The following AHCTF1 variants were observed in gnomAD, a reference collection of about 807,000 sequenced individuals.
AHCTF1 encodes AT-hook containing transcription factor 1.
A neutral mutation model predicts 248.4 loss-of-function variants in AHCTF1; 24 were observed. The observed-to-expected ratio is 0.10, with a 90% confidence interval of 0.07 to 0.14. The LOEUF (loss-of-function observed/expected upper bound fraction) is 0.14. AHCTF1 is among the 10% of genes least tolerant of loss of function. AHCTF1 has a pLI of 1.00. For synonymous variants in AHCTF1, 786 were observed against 929.8 expected (o/e 0.85, Z 2.81); for missense variants, 2,206 against 2,636.2 (o/e 0.84, Z 3.57).
At chr1:246,887,711 T>C (rs1663925261) in intron 19 of AHCTF1, among the ~76,000 whole-genome samples, 1 of 152,238 alleles carries the variant, frequency 6.6e-6, no homozygotes, top group East Asian at 1.9e-4. Context: ...ATCTAGCTTA[T>C]AAATTATAAA....
intron 5 of AHCTF1, among the ~76,000 whole-genome samples, chr1:246,906,848 G>A (rs1190096864): frequency 6.6e-6 from 1 of 152,070 alleles, no homozygotes; most frequent in African/African-American, 2.4e-5. Context: ...TTGTAACTTT[G>A]ATTTTTAAAA....
intron 1 of AHCTF1, among the ~76,000 whole-genome samples, chr1:246,925,037 C>CA: frequency 6.6e-6 from 1 of 152,114 alleles, no homozygotes; most frequent in Non-Finnish European, 1.5e-5. Flanking sequence ...AGGCCAGAAT[C>CA]ACATTGTTAC....
chr1:246,858,567 TA>T (rs1209791700), intron 29 of AHCTF1, among the ~76,000 whole-genome samples: 1 of 151,994 alleles, frequency 6.6e-6, no homozygotes, highest in Non-Finnish European at 1.5e-5. Context: ...CGGAGGCTCA[TA>T]CCTGTAATCC....
chr1:246,851,980 C>G (rs559426181), intron 32 of AHCTF1: 1 of 153,300 alleles, frequency 6.5e-6, no homozygotes, highest in African/African-American at 2.4e-5. Flanking sequence ...CTAAGGCTTT[C>G]AAGTTCAGTA....
At position 246,867,688 on chromosome 1, in the gene AHCTF1, G is replaced by T; in HGVS notation, c.3212C>A (p.Pro1071His). 1.2e-6 allele frequency: 2 copies of T among 1,612,274 alleles called. No homozygotes were observed. The highest frequency in any genetic ancestry group is 2.2e-5 in the South Asian group (2 of 90,918). ...KIGEVWASKE[P>H]INSTTPFNSS... ...ATTGAAAGGTGTGGTGCTATTTATA[G>T]GTTCTTTGCTTGCCCAAACTTCTCC... Residue 1071 changes from proline to histidine, a missense_variant, in exon 25 of 36, where the codon CCT (proline) becomes CAT (histidine). By Grantham distance (77) the Pro-to-His change is moderately conservative. Coordinates refer to ENST00000648844, the MANE Select transcript of AHCTF1 (RefSeq NM_001323342.2).
Position 246,840,560 on chromosome 1 carries a change from T to C in AHCTF1, c.*246A>G, listed in dbSNP as rs1236906819. 1 of 224,720 alleles carries C rather than the reference T, an allele frequency of 4.4e-6. No individual in the cohort carries two copies. The highest frequency in any genetic ancestry group is 8.5e-6 in the Non-Finnish European group (1 of 117,032). The allele number at this position is 224,720 out of a possible 1,614,324, so 13.9% of individuals were successfully genotyped here. A position where few individuals can be genotyped will look rare whatever the true frequency, so the allele number is the denominator to read the frequency against. On this transcript the variant is annotated 3_prime_UTR_variant, in exon 36 of 36. Transcript: ENST00000648844. Reference sequence around the variant, plus strand: ...AAACGACTGTGAAGTATACATTTTATTTAACATTCCATTAATAAGCCATAT... The same window carrying C: ...AAACGACTGTGAAGTATACATTTTACTTAACATTCCATTAATAAGCCATAT...
chr1:246,851,011 T>A lies in AHCTF1; in HGVS notation c.4995A>T (p.Lys1665Asn). The change falls in exon 33 of 36, where the codon AAA becomes AAT. Residue 1665 changes from lysine (K) to asparagine (N), a missense_variant. By Grantham distance (94) the Lys-to-Asn change is moderately conservative (BLOSUM62 0). Coordinates refer to ENST00000648844, the MANE Select transcript of AHCTF1 (RefSeq NM_001323342.2). ...DTLPYVPEPI[K>N]VAIAENLLDV... ...CTAGTAAATTTTCTGCAATTGCTAC[T>A]TTAATAGGTTCAGGCACATATGGTA... 6.2e-7 allele frequency: 1 copy of A among 1,614,010 alleles called. No individual in the cohort carries two copies. The highest frequency in any genetic ancestry group is 8.5e-7 in the Non-Finnish European group (1 of 1,179,880).
intron 1 of AHCTF1, among the ~76,000 whole-genome samples, chr1:246,930,102 AG>A (rs1667238880): frequency 6.6e-6 from 1 of 152,176 alleles, no homozygotes; most frequent in Non-Finnish European, 1.5e-5. Context: ...AAGCATAAAA[AG>A]AAAACAAAAG....
rs547022079 is a variant in AHCTF1, at chr1:246,840,870, A to C, written c.6737T>G (p.Leu2246Arg). 2 of 1,613,360 alleles carry C rather than the reference A, an allele frequency of 1.2e-6. No individual in the cohort carries two copies. The highest frequency in any genetic ancestry group is 2.2e-5 in the South Asian group (2 of 90,926). Residue 2246 changes from leucine to arginine, a missense_variant, in exon 36 of 36, where the codon CTT becomes CGT. This residue lies in a region of AHCTF1 where 469 missense variants were observed against 470.0 expected (regional missense o/e 1.00). Coordinates refer to ENST00000648844, the MANE Select transcript of AHCTF1 (RefSeq NM_001323342.2). Reference protein sequence around the residue: ...RKTTEVTGTGLGRNRKKLSSY... With the variant: ...RKTTEVTGTGRGRNRKKLSSY... ...AGACAGTTTCTTTCTGTTCCTTCCA[A>C]GACCTGTTCCTGTCACTTCTGTAGT...
intron 17 of AHCTF1, among the ~76,000 whole-genome samples, 200 bp downstream of exon 17, chr1:246,889,766 A>C (rs1664090187): frequency 6.6e-6 from 1 of 152,162 alleles, no homozygotes; most frequent in Non-Finnish European, 1.5e-5. Context: ...TTTGTCTATT[A>C]CCTTTACTTC....
chr1:246,905,285 G>T (rs1053734320), intron 6 of AHCTF1, among the ~76,000 whole-genome samples: 1 of 152,122 alleles, frequency 6.6e-6, no homozygotes, highest in Non-Finnish European at 1.5e-5. Flanking sequence ...AGATCATGAG[G>T]TCAGGAGTTC....
At chr1:246,922,236 C>T (rs115790254) in intron 1 of AHCTF1, among the ~76,000 whole-genome samples, 14,035 of 152,020 alleles carry the variant, frequency 0.092, 885 homozygotes, top group Middle Eastern at 0.22. Flanking sequence ...AGTATGTGCC[C>T]GTAGTCCCAG....
chr1:246,887,450 A>G lies in AHCTF1; in HGVS notation c.2326-93T>C, dbSNP rs878935324. On this transcript the variant is annotated intron_variant, in intron 19 of 35. Transcript: ENST00000648844. ...AGGTAGCAACAAAATGTAGCATTAA[A>G]AGAGACTTGAAATGCCTGTTTTTAG... The G allele has an allele frequency of 1.5e-5, 19 of 1,284,434 alleles. No individual in the cohort carries two copies. The South Asian group carries it at 2.1e-4, about 14-fold the overall frequency. The allele number at this position is 1,284,434 out of a possible 1,614,324, so 79.6% of individuals were successfully genotyped here. A position where few individuals can be genotyped will look rare whatever the true frequency, so the allele number is the denominator to read the frequency against.
intron 30 of AHCTF1, 74 bp from the exon 31 acceptor site, chr1:246,855,901 C>G (rs562670547): frequency 2.9e-6 from 3 of 1,031,456 alleles, no homozygotes; most frequent in East Asian, 2.5e-5. Flanking sequence ...GTCCTACCAC[C>G]TAACCTGTCA....
chr1:246,904,348 T>C (rs1376454589), intron 6 of AHCTF1, among the ~76,000 whole-genome samples: 2 of 152,230 alleles, frequency 1.3e-5, no homozygotes, highest in East Asian at 1.9e-4. Context: ...CTTAAACACA[T>C]GGTTGCCTAA....
chr1:246,917,165 T>C (rs1666206354), intron 2 of AHCTF1, among the ~76,000 whole-genome samples: 1 of 152,176 alleles, frequency 6.6e-6, no homozygotes, highest in Non-Finnish European at 1.5e-5. Flanking sequence ...CCGCACTGGG[T>C]GGAAGACGAC....
chr1:246,901,731 T>C (rs1665015146), intron 8 of AHCTF1, among the ~76,000 whole-genome samples: 2 of 152,044 alleles, frequency 1.3e-5, no homozygotes, highest in South Asian at 2.1e-4. Flanking sequence ...GATGGGAGAA[T>C]TGGTTGAGCC....
intron 29 of AHCTF1, among the ~76,000 whole-genome samples, chr1:246,859,081 G>C (rs1185386388): frequency 6.6e-6 from 1 of 152,130 alleles, no homozygotes; most frequent in Non-Finnish European, 1.5e-5. Flanking sequence ...AAATAAGTAA[G>C]GCAGTGTAAA....
intron 1 of AHCTF1, among the ~76,000 whole-genome samples, chr1:246,924,986 T>G (rs906611770): frequency 6.6e-6 from 1 of 152,164 alleles, no homozygotes; most frequent in African/African-American, 2.4e-5. Flanking sequence ...ATCTCCTAAG[T>G]AGCTTAGTAC....
Sources: allele counts gnomAD v4.1 joint callset (sites outside exome capture counted in the v4.1 genomes callset), GRCh38; gene constraint gnomAD v4.1.1; regional missense constraint gnomAD v4.1.1; transcripts MANE v1.5; gene names NCBI Gene and HGNC (gene_info 2026-07-23, HGNC 2026-07-21).